Variants in NSMCE1 observed in about 807,000 individuals in gnomAD.
NSMCE1 encodes non-structural maintenance of chromosomes element 1 homolog.
NSMCE1 carries 18 observed loss-of-function variants against 29.6 expected under a neutral mutation model. The ratio of observed to expected loss-of-function variants is 0.61; its 90% CI spans 0.42 to 0.90. The LOEUF is 0.90. Ranked by LOEUF, NSMCE1 falls within the 40% of genes least tolerant of loss-of-function variation. The pLI, the probability that NSMCE1 is intolerant of heterozygous loss-of-function variation, is 0.00. For missense variants in NSMCE1, 314 were observed against 343.6 expected (o/e 0.91, Z 0.68); for synonymous variants, 124 against 133.4 (o/e 0.93, Z 0.49).
intron 4 of NSMCE1, among the ~76,000 whole-genome samples, chr16:27,233,568 C>G (rs1314717615): frequency 1.3e-5 from 2 of 152,192 alleles, no homozygotes; most frequent in Admixed American, 1.3e-4. Context: ...AGGAATGATT[C>G]CACCGCCTGG....
intron 1 of NSMCE1, among the ~76,000 whole-genome samples, chr16:27,267,102 A>G (rs753957027): frequency 3.6e-4 from 55 of 152,118 alleles, no homozygotes; most frequent in Admixed American, 5.9e-4. Flanking sequence ...ATACAGATAA[A>G]CCAATTAAAA....
At chr16:27,234,665 A>AT (rs1299329089) in intron 3 of NSMCE1, among the ~76,000 whole-genome samples, 1 of 152,136 alleles carries the variant, frequency 6.6e-6, no homozygotes, top group African/African-American at 2.4e-5. Flanking sequence ...CAGGGAATTG[A>AT]GTTTGGGCAA....
At chr16:27,262,747 T>C (rs1397037452) in intron 1 of NSMCE1, among the ~76,000 whole-genome samples, 1 of 151,904 alleles carries the variant, frequency 6.6e-6, no homozygotes, top group African/African-American at 2.4e-5. Context: ...ACAAATGAGA[T>C]CTAATTAAAC....
chr16:27,227,880 G>T (rs1470449233), intron 5 of NSMCE1, among the ~76,000 whole-genome samples: 2 of 151,428 alleles, frequency 1.3e-5, no homozygotes, highest in Admixed American at 1.3e-4. Context: ...CCGCATCCCG[G>T]GTTCAAGCAA....
At chr16:27,228,454 C>A (rs2083726545) in intron 5 of NSMCE1, among the ~76,000 whole-genome samples, 3 of 152,066 alleles carry the variant, frequency 2.0e-5, no homozygotes, top group Admixed American at 2.0e-4. Flanking sequence ...GCTCCCAAAT[C>A]CATCATGGCA....
intron 2 of NSMCE1, among the ~76,000 whole-genome samples, chr16:27,251,097 T>TC (rs2084023015): frequency 6.9e-6 from 1 of 145,290 alleles, no homozygotes; most frequent in African/African-American, 2.5e-5. Flanking sequence ...CACCTCAGCC[T>TC]CCCAAAGTGC....
chr16:27,232,205 A>T lies in NSMCE1; in HGVS notation c.483+796T>A, dbSNP rs552179968. Among the ~76,000 whole-genome samples the T allele has an allele frequency of 6.6e-6, 1 of 152,296 alleles. No individual in the cohort carries two copies. The highest frequency in any genetic ancestry group is 2.4e-5 in the African/African-American group (1 of 41,570). On this transcript the variant is annotated intron_variant, in intron 5 of 7. Coordinates refer to ENST00000361439, the MANE Select transcript of NSMCE1 (RefSeq NM_145080.4). This position sits in a 1 kb window ranked among gnomAD's most constrained non-coding sequence, Gnocchi z 4.5. ...AGTGAGGAAGCGGGGACCCGGCGTG[A>T]GTGCGTCCTCAACACACATGGGCAC...
intron 2 of NSMCE1, among the ~76,000 whole-genome samples, chr16:27,236,589 G>A (rs1189559805): frequency 1.3e-5 from 2 of 152,118 alleles, no homozygotes; most frequent in East Asian, 3.9e-4. Context: ...GAGCCACCAC[G>A]CCCAGCTTGT....
Position 27,235,305 on chromosome 16 carries a change from A to C in NSMCE1, c.137-6T>G, listed in dbSNP as rs1216361700. On this transcript the variant is annotated splice_polypyrimidine_tract_variant and splice_region_variant and intron_variant, in intron 2 of 7. Transcript: ENST00000361439. ...CTTATCTACGGTGGCATTGCCTGGA[A>C]ATAAACAGACCAAAAAAAGGGGGGT... 1.7e-5 allele frequency: 27 copies of C among 1,612,734 alleles called. No individual in the cohort carries two copies. Among genetic ancestry groups the C allele is most frequent in the Non-Finnish European group, 2.3e-5 (27 of 1,179,854 alleles).
chr16:27,229,099 G>A (rs919793329), intron 5 of NSMCE1, among the ~76,000 whole-genome samples: 6 of 152,266 alleles, frequency 3.9e-5, no homozygotes, highest in South Asian at 2.1e-4. Flanking sequence ...CGTATCTCCC[G>A]GGCTGCCCTC....
chr16:27,234,079 C>T, intron 4 of NSMCE1, 109 bp downstream of exon 4: 1 of 745,902 alleles, frequency 1.3e-6, no homozygotes, highest in Non-Finnish European at 2.4e-6. Flanking sequence ...AATGGTGGCC[C>T]ATGTCCCCCC....
intron 1 of NSMCE1, among the ~76,000 whole-genome samples, chr16:27,263,896 C>A (rs2084190693): frequency 6.6e-6 from 1 of 152,138 alleles, no homozygotes; most frequent in Non-Finnish European, 1.5e-5. Context: ...CAAATTGACC[C>A]AATGCAATTG....
intron 2 of NSMCE1, among the ~76,000 whole-genome samples, chr16:27,253,351 A>G (rs2084054103): frequency 6.6e-6 from 1 of 152,216 alleles, no homozygotes; most frequent in African/African-American, 2.4e-5. Context: ...TCAGAATTAA[A>G]CTGAATTATG....
chr16:27,247,874 C>T (rs752270933), intron 2 of NSMCE1, among the ~76,000 whole-genome samples: 4 of 150,868 alleles, frequency 2.7e-5, no homozygotes, highest in Non-Finnish European at 5.9e-5. Flanking sequence ...TTGCAGTGAG[C>T]GGAGATTGCG....
chr16:27,225,672 G>A, intron 7 of NSMCE1, 54 bp downstream of exon 7: 2 of 1,607,298 alleles, frequency 1.2e-6, no homozygotes, highest in Non-Finnish European at 1.7e-6. Flanking sequence ...CTGGCACCAG[G>A]CCCCACGTCC....
intron 6 of NSMCE1, chr16:27,226,047 T>A: frequency 3.4e-6 from 2 of 580,088 alleles, no homozygotes; most frequent in Non-Finnish European, 3.0e-6. Context: ...TGGGTTTTAC[T>A]AAACAATTCT....
chr16:27,233,402 C>T (rs900326926), intron 4 of NSMCE1, among the ~76,000 whole-genome samples: 1 of 152,214 alleles, frequency 6.6e-6, no homozygotes. Context: ...CAAAGAGGGT[C>T]GCCTTGCCTC....
intron 2 of NSMCE1, among the ~76,000 whole-genome samples, chr16:27,237,788 C>A (rs1302161390): frequency 6.6e-6 from 1 of 152,194 alleles, no homozygotes; most frequent in Admixed American, 6.5e-5. Flanking sequence ...CCTCTCTGCC[C>A]TTCCCCTCTC....
intron 2 of NSMCE1, among the ~76,000 whole-genome samples, chr16:27,235,715 C>T (rs1049778401): frequency 1.3e-5 from 2 of 152,224 alleles, no homozygotes; most frequent in Non-Finnish European, 2.9e-5. Context: ...CAGTGCCCCG[C>T]GAGAGGCCTC....
Sources: gnomAD v4.1 joint callset for allele counts (sites outside exome capture counted in the v4.1 genomes callset) on GRCh38, gnomAD v4.1.1 for gene constraint, Gnocchi (gnomAD v3.1) non-coding constraint, MANE v1.5 for transcripts, NCBI Gene and HGNC (gene_info 2026-07-23, HGNC 2026-07-21) for gene names.